Variants in SLC36A4 observed in about 807,000 individuals in gnomAD.
The protein encoded by SLC36A4 is neutral amino acid uniporter 4.
SLC36A4 carries 49 observed loss-of-function variants against 50.5 expected under a neutral mutation model. The ratio of observed to expected loss-of-function variants is 0.97; its 90% CI spans 0.77 to 1.23. The LOEUF (loss-of-function observed/expected upper bound fraction) is 1.23, where lower values mean the gene tolerates loss of function less well. Ranked by LOEUF, SLC36A4 falls within the 50% of genes most tolerant of loss-of-function variation. The probability of loss-of-function intolerance (pLI) is 0.00; values close to 1 mark genes in which losing one functional copy is unlikely to be tolerated. For missense variants in SLC36A4, 611 were observed against 608.4 expected (o/e 1.00, Z -0.05); for synonymous variants, 207 against 206.5 (o/e 1.00, Z -0.02).
intron 4 of SLC36A4, 89 bp downstream of exon 4, chr11:93,182,717 A>C: frequency 1.1e-6 from 1 of 882,350 alleles, no homozygotes; most frequent in Non-Finnish European, 1.7e-6. Flanking sequence ...GCTTAAACGA[A>C]ATACAAAGCA....
chr11:93,151,129 T>C (rs1860068946), intron 10 of SLC36A4, among the ~76,000 whole-genome samples: 1 of 152,172 alleles, frequency 6.6e-6, no homozygotes, highest in Non-Finnish European at 1.5e-5. Flanking sequence ...GTTTGAAATA[T>C]GCTATTGGTA....
At chr11:93,166,284 C>T in intron 7 of SLC36A4, 2 of 1,162,648 alleles carry the variant, frequency 1.7e-6, no homozygotes, top group Non-Finnish European at 2.1e-6. Flanking sequence ...CCTGCAAGTC[C>T]CAGGCTGTGA....
At chr11:93,187,574 C>T (rs1862044241) in intron 1 of SLC36A4, among the ~76,000 whole-genome samples, 1 of 152,176 alleles carries the variant, frequency 6.6e-6, no homozygotes, top group Non-Finnish European at 1.5e-5. Flanking sequence ...ATTAAATTTT[C>T]ATTTCAATAC....
chr11:93,197,693 G>C (rs1862486962), intron 1 of SLC36A4, 85 bp downstream of exon 1: 1 of 1,425,484 alleles, frequency 7.0e-7, no homozygotes, highest in African/African-American at 1.5e-5. Context: ...CAAGCGCGGG[G>C]CCCCTGGAGG....
chr11:93,154,139 A>G lies in SLC36A4; in HGVS notation c.1176T>C (p.Phe392=). 1 of 1,555,104 alleles carries G rather than the reference A, an allele frequency of 6.4e-7. No individual in the cohort carries two copies. The highest frequency in any genetic ancestry group is 1.4e-5 in the African/African-American group (1 of 72,604). Residue 392 remains phenylalanine (F), a synonymous_variant, in exon 10 of 11, where the codon TTT becomes TTC. Transcript: ENST00000326402. ...FHTKWKQICE[F]GIRSFLVSIT... is the part of the protein sequence containing the mutation. ...TACTAACCAAGAAGGATCTTATCCCAAATTCACAGATTTGCTTCCATTTAG... is the reference window on the plus strand; with the variant it reads ...TACTAACCAAGAAGGATCTTATCCCGAATTCACAGATTTGCTTCCATTTAG...
intron 1 of SLC36A4, among the ~76,000 whole-genome samples, chr11:93,189,787 G>A (rs543328730): frequency 2.0e-5 from 3 of 152,260 alleles, no homozygotes; most frequent in African/African-American, 7.2e-5. Flanking sequence ...GGAAAGTACG[G>A]AAAATGGTAA....
chr11:93,174,982 CCCT>C lies in SLC36A4; in HGVS notation c.540+5812_540+5814del, dbSNP rs1861385755. Among the ~76,000 whole-genome samples the C allele has an allele frequency of 1.5e-4, 22 of 151,412 alleles. No individual in the cohort carries two copies. The South Asian group carries it at 4.6e-3, about 32-fold the overall frequency. On this transcript the variant is annotated intron_variant, in intron 6 of 10. Coordinates refer to ENST00000326402, the MANE Select transcript of SLC36A4 (RefSeq NM_152313.4). ...CTCATAAAATGAGTTAGGGAGGATT[CCCT>C]CTTTTTCTATTGATTGGAATACTTT...
At chr11:93,153,895 T>G (rs879571598) in intron 10 of SLC36A4, 22 of 269,320 alleles carry the variant, frequency 8.2e-5, no homozygotes, top group Admixed American at 2.1e-4. Flanking sequence ...TTATTTTAAG[T>G]GTGATAGGAT....
In SLC36A4 at chr11:93,174,262, G is replaced by C. The variant is rs1490972756; in HGVS notation, c.541-6091C>G. Among the ~76,000 whole-genome samples the C allele has an allele frequency of 5.6e-5, 8 of 142,218 alleles. No individual in the cohort carries two copies. The East Asian group carries it at 6.6e-4, about 12-fold the overall frequency. 93.3% of individuals were successfully genotyped at this position (142,218 alleles called of 152,430 possible). Reference sequence around the variant, plus strand: ...CGCTCTCTGTTTGTCTGTTGTTGGTGTATAAGAATGCTTGTGATTTTTGTA... The same window carrying C: ...CGCTCTCTGTTTGTCTGTTGTTGGTCTATAAGAATGCTTGTGATTTTTGTA... On this transcript the variant is annotated intron_variant, in intron 6 of 10. Coordinates refer to ENST00000326402, the MANE Select transcript of SLC36A4 (RefSeq NM_152313.4).
intron 6 of SLC36A4, among the ~76,000 whole-genome samples, chr11:93,177,735 C>A (rs147949360): frequency 6.6e-6 from 1 of 152,148 alleles, no homozygotes; most frequent in Non-Finnish European, 1.5e-5. Context: ...CCTCTGGAAG[C>A]TTCGTCTCAG....
intron 6 of SLC36A4, among the ~76,000 whole-genome samples, chr11:93,176,601 C>G (rs1419848450): frequency 6.6e-6 from 1 of 151,826 alleles, no homozygotes; most frequent in Non-Finnish European, 1.5e-5. Flanking sequence ...TGTTCCTTTC[C>G]ATGTTTAGCG....
chr11:93,173,899 C>G (rs1372918895), intron 6 of SLC36A4, among the ~76,000 whole-genome samples: 1 of 139,722 alleles, frequency 7.2e-6, no homozygotes, highest in Non-Finnish European at 1.5e-5. Context: ...CAGCTTAGTT[C>G]TTTTGGCTTA....
At chr11:93,172,228 C>A (rs1256257292) in intron 6 of SLC36A4, among the ~76,000 whole-genome samples, 1 of 152,062 alleles carries the variant, frequency 6.6e-6, no homozygotes, top group Non-Finnish European at 1.5e-5. Flanking sequence ...TCTCTTGACA[C>A]CATTCCCTTT....
intron 1 of SLC36A4, among the ~76,000 whole-genome samples, chr11:93,192,504 T>C (rs1183142013): frequency 1.3e-5 from 2 of 152,202 alleles, no homozygotes; most frequent in East Asian, 3.8e-4. Context: ...GAATGCAATG[T>C]AATATAAATG....
intron 9 of SLC36A4, chr11:93,160,789 T>C (rs1029131722): frequency 1.2e-5 from 11 of 944,086 alleles, no homozygotes; most frequent in Admixed American, 1.2e-4. Context: ...GCATTAAAAA[T>C]AGTTGTCAAT....
At chr11:93,174,238 GCT>G (rs1453349228) in intron 6 of SLC36A4, among the ~76,000 whole-genome samples, 6 of 136,294 alleles carry the variant, frequency 4.4e-5, no homozygotes, top group African/African-American at 1.6e-4. Context: ...TCATGATTTC[GCT>G]CTCTGTTTGT....
rs867851498 is a variant in SLC36A4 at position 93,148,264 on chromosome 11, T to C, written c.*273A>G. 3.8e-6 allele frequency: 1 copy of C among 266,362 alleles called. No individual in the cohort carries two copies. Among genetic ancestry groups the C allele is most frequent in the South Asian group, 5.5e-5 (1 of 18,190 alleles). The allele number at this position is 266,362 out of a possible 1,614,324, so 16.5% of individuals were successfully genotyped here. ...ATTTCTTACTGAGATAAAAGAATAA[T>C]AGAAGTATTTTTATTCTTTAATTTT... On this transcript the variant is annotated 3_prime_UTR_variant, in exon 11 of 11. Coordinates refer to ENST00000326402, the MANE Select transcript of SLC36A4 (RefSeq NM_152313.4).
chr11:93,167,798 A>G (rs1565224073), intron 7 of SLC36A4, 146 bp downstream of exon 7: 1 of 596,950 alleles, frequency 1.7e-6, no homozygotes, highest in East Asian at 2.9e-5. Context: ...GCATCCCCCT[A>G]AAAGAAACCA....
chr11:93,197,789 C>G lies in SLC36A4; in HGVS notation c.44G>C (p.Arg15Pro), dbSNP rs1454288301. The G allele has an allele frequency of 2.5e-6, 4 of 1,586,868 alleles. No homozygotes were observed. Among genetic ancestry groups the G allele is most frequent in the Non-Finnish European group, 3.4e-6 (4 of 1,173,778 alleles). The change falls in exon 1 of 11, where the codon CGC (arginine) becomes CCC (proline). Residue 15 changes from arginine (R) to proline (P), a missense_variant. Physicochemically the swap from Arg to Pro is moderately radical, Grantham distance 103 (BLOSUM62 -2). Coordinates refer to ENST00000326402, the MANE Select transcript of SLC36A4 (RefSeq NM_152313.4). ...ATPAAAGAAR[R>P]EELDMDVMRP... ...CGCACAACACCGACCTAGCTCCTCG[C>G]GCCTCGCCGCCCCGGCAGCCGCCGG...
Sources: gnomAD v4.1 joint callset for allele counts (sites outside exome capture counted in the v4.1 genomes callset) on GRCh38, gnomAD v4.1.1 for gene constraint, MANE v1.5 for transcripts, NCBI Gene and HGNC (gene_info 2026-07-23, HGNC 2026-07-21) for gene names.